CNOT3: variants seen among roughly 807,000 people sequenced by gnomAD.
CNOT3 encodes the protein CCR4-associated factor 3.
A neutral mutation model predicts 89.4 loss-of-function variants in CNOT3; 2 were observed. The observed-to-expected ratio is 0.02, with a 90% CI of 0.01 to 0.07. The LOEUF is 0.07. Among genes scored for constraint, CNOT3 ranks in the 10% least tolerant of loss-of-function variants. The pLI is 1.00. For missense variants in CNOT3, 664 were observed against 1,010.2 expected, an observed-to-expected ratio of 0.66 and a Z score of 4.65; for synonymous variants, 486 against 402.0, an observed-to-expected ratio of 1.21 and a Z score of -2.50.
intron 5 of CNOT3, 123 bp downstream of exon 5, chr19:54,143,872 T>A: frequency 6.8e-7 from 1 of 1,470,282 alleles, no homozygotes; most frequent in Non-Finnish European, 9.3e-7. Context: ...TTTCTGCACC[T>A]AAGGGAAGTG....
Position 54,153,245 on chromosome 19 carries a change from C to T in CNOT3, c.2037+246C>T, listed in dbSNP as rs555923646. On this transcript the variant is annotated intron_variant, in intron 16 of 17. Coordinates refer to ENST00000221232, the MANE Select transcript of CNOT3 (RefSeq NM_014516.4). ...GGTCCACTGAGGCACACCTCAGCCC[C>T]GCTTCCAGTTGCCCACTGGCTCACC... is the stretch of plus-strand genomic sequence containing the variant. 2.1e-4 allele frequency: 160 copies of T among 763,150 alleles called. 1 individual carries two copies. The highest frequency in any genetic ancestry group is 1.9e-3 in the African/African-American group (112 of 59,184). 47.3% of individuals were successfully genotyped at this position (763,150 alleles called of 1,614,324 possible).
intron 9 of CNOT3, among the ~76,000 whole-genome samples, 193 bp from the exon 10 acceptor site, chr19:54,146,408 C>T (rs2074675118): frequency 6.6e-6 from 1 of 152,038 alleles, no homozygotes; most frequent in Non-Finnish European, 1.5e-5. Context: ...GTGCTGGCTC[C>T]CAGAAAACAA....
chr19:54,149,509 C>A, intron 12 of CNOT3, 51 bp from the exon 13 acceptor site: 1 of 1,264,312 alleles, frequency 7.9e-7, no homozygotes. Context: ...TCTGCCCATC[C>A]CACCCTCAGG....
intron 17 of CNOT3, 120 bp downstream of exon 17, chr19:54,153,960 G>T (rs757403277): frequency 1.0e-5 from 13 of 1,284,524 alleles, no homozygotes; most frequent in Non-Finnish European, 1.5e-5. Flanking sequence ...CAGTCCCTCA[G>T]CCTGACCAAG....
intron 10 of CNOT3, among the ~76,000 whole-genome samples, chr19:54,147,506 G>T (rs1434881818): frequency 6.6e-6 from 1 of 152,220 alleles, no homozygotes; most frequent in African/African-American, 2.4e-5. Flanking sequence ...CAGGAGAGAA[G>T]TGGGTAGTCA....
rs935236139 is a variant in CNOT3, at chr19:54,151,603, G to A, written c.1606-623G>A. 3.9e-5 allele frequency among the ~76,000 whole-genome samples: 6 copies of A among 152,208 alleles called. No individual in the cohort carries two copies. In the East Asian group the frequency reaches 1.2e-3, roughly 29 times the overall value. ...GGGCTGGGGTTTGGGACAGCTGCAC[G>A]TGGCTGGAGGAGATGGGAGGAACCA... On this transcript the variant is annotated intron_variant, in intron 13 of 17. Coordinates refer to ENST00000221232, the MANE Select transcript of CNOT3 (RefSeq NM_014516.4).
rs771136760 is a variant in CNOT3, at chr19:54,155,227, AT to A, written c.2164-80del. 3 of 1,563,082 alleles carry A rather than the reference AT, an allele frequency of 1.9e-6. No individual in the cohort carries two copies. The African/African-American group carries it at 4.1e-5, about 21-fold the overall frequency. On this transcript the variant is annotated intron_variant, in intron 17 of 17. Transcript: ENST00000221232. ...GCCTGACACATCCACAGCCCTAAGA[AT>A]TGTCCCCTTTGTCTGTTGGTCCGGC...
Position 54,149,648 on chromosome 19 carries a change from C to T in CNOT3, c.1495C>T (p.Pro499Ser), listed in dbSNP as rs1232022938. 1.9e-6 allele frequency: 3 copies of T among 1,613,858 alleles called. No individual in the cohort carries two copies. Among genetic ancestry groups the T allele is most frequent in the Non-Finnish European group, 2.5e-6 (3 of 1,179,920 alleles). The change falls in exon 13 of 18, where the codon CCA (proline) becomes TCA (serine). Residue 499 changes from proline (P) to serine (S), a missense_variant. By Grantham distance (74) the Pro-to-Ser change is moderately conservative. This residue lies in a region of CNOT3 where 545 missense variants were observed against 566.2 expected (regional missense o/e 0.96). Coordinates refer to ENST00000221232, the MANE Select transcript of CNOT3 (RefSeq NM_014516.4). ...NNSGGPSLLV[P>S]LPVNPPSSPT... The stretch of plus-strand genomic sequence containing the variant: ...CTCAGGGGGACCCAGCCTCCTGGTG[C>T]CACTGCCTGTGAATCCTCCCAGCTC...
Position 54,152,922 on chromosome 19 carries a change from C to A in CNOT3, c.1960C>A (p.Pro654Thr). The A allele has an allele frequency of 1.2e-6, 2 of 1,600,102 alleles. No individual in the cohort carries two copies. Among genetic ancestry groups the A allele is most frequent in the Non-Finnish European group, 1.7e-6 (2 of 1,170,532 alleles). ...PTPPYHHQMP[P>T]PHSDTVEFYQ... ...GCCCCCCTACCACCACCAGATGCCA[C>A]CCCCACACTCGGACACTGTGGAATT... The change falls in exon 16 of 18, where the codon CCC becomes ACC. Residue 654 changes from proline (P) to threonine (T), a missense_variant. By Grantham distance (38) the Pro-to-Thr change is conservative. Coordinates refer to ENST00000221232, the MANE Select transcript of CNOT3 (RefSeq NM_014516.4).
At position 54,148,369 on chromosome 19, in the gene CNOT3, C is replaced by A; in HGVS notation, c.1116C>A (p.Ala372=). 6.4e-7 allele frequency: 1 copy of A among 1,571,600 alleles called. No homozygotes were observed. The highest frequency in any genetic ancestry group is 1.2e-5 in the South Asian group (1 of 84,848). ...SHNSGTPAPY[A]QAVAPPAPSG... The stretch of plus-strand genomic sequence containing the variant: ...ACTCGGGCACCCCTGCTCCCTATGC[C>A]CAGGCTGTGGCCCCACCAGCTCCCA... Residue 372 remains alanine, a synonymous_variant, in exon 11 of 18, where the codon GCC becomes GCA. Transcript: ENST00000221232. The surrounding 1 kb of genome is among the most constrained non-coding windows in gnomAD (Gnocchi z 6.3).
intron 3 of CNOT3, 35 bp from the exon 4 acceptor site, chr19:54,143,407 C>G (rs1433035387): frequency 2.5e-6 from 4 of 1,608,072 alleles, no homozygotes; most frequent in East Asian, 2.2e-5. Context: ...GACATCCCCT[C>G]CCACACTGAC....
chr19:54,146,632 G>T lies in CNOT3; in HGVS notation c.869G>T (p.Arg290Leu), dbSNP rs761311036. Residue 290 changes from arginine (R) to leucine (L), a missense_variant, in exon 10 of 18, where the codon CGT (arginine) becomes CTT (leucine). Arg to Leu is a moderately radical substitution (Grantham distance 102). Coordinates refer to ENST00000221232, the MANE Select transcript of CNOT3 (RefSeq NM_014516.4). ...ENSEDDKKRG[R>L]STDSEVSQSP... ...TCTGAAGATGATAAGAAGAGGGGAC[G>T]TTCCACAGACAGTGAAGTCAGCCAG... 2.5e-6 allele frequency: 4 copies of T among 1,570,852 alleles called. No homozygotes were observed. Among genetic ancestry groups the T allele is most frequent in the Admixed American group, 1.7e-5 (1 of 59,946 alleles).
In CNOT3 at chr19:54,145,675, G is replaced by A; in HGVS notation, c.561G>A (p.Leu187=). 2 of 1,613,692 alleles carry A rather than the reference G, an allele frequency of 1.2e-6. No homozygotes were observed. ...RYHVRMLETI[L]RMLDNDSILV... ...ACGTGCGCATGCTAGAGACCATCCT[G>A]CGCATGCTGGACAATGACTCCATCC... The change falls in exon 8 of 18, where the codon CTG becomes CTA. Residue 187 remains leucine (L), a synonymous_variant. Coordinates refer to ENST00000221232, the MANE Select transcript of CNOT3 (RefSeq NM_014516.4). This position sits in a 1 kb window ranked among gnomAD's most constrained non-coding sequence, Gnocchi z 5.9.
In CNOT3 at chr19:54,152,928, C is replaced by T. The variant is rs2146770362; in HGVS notation, c.1966C>T (p.His656Tyr). 1 of 1,605,354 alleles carries T rather than the reference C, an allele frequency of 6.2e-7. No homozygotes were observed. The highest frequency in any genetic ancestry group is 8.5e-7 in the Non-Finnish European group (1 of 1,174,006). ...PPYHHQMPPP[H>Y]SDTVEFYQRL... is the part of the protein sequence containing the mutation. ...CTACCACCACCAGATGCCACCCCCA[C>T]ACTCGGACACTGTGGAATTCTACCA... is the stretch of plus-strand genomic sequence containing the variant. Residue 656 changes from histidine (H) to tyrosine (Y), a missense_variant, in exon 16 of 18, where the codon CAC (histidine) becomes TAC (tyrosine). His to Tyr is a moderately conservative substitution (Grantham distance 83, BLOSUM62 2). Transcript: ENST00000221232.
At chr19:54,139,966 A>G (rs2074382071) in intron 1 of CNOT3, among the ~76,000 whole-genome samples, 1 of 152,052 alleles carries the variant, frequency 6.6e-6, no homozygotes, top group African/African-American at 2.4e-5. Flanking sequence ...GTTAAGGATC[A>G]CCCTTCAACA....
intron 15 of CNOT3, 97 bp downstream of exon 15, chr19:54,152,723 C>A: frequency 9.1e-7 from 1 of 1,100,150 alleles, no homozygotes; most frequent in Non-Finnish European, 1.4e-6. Context: ...CACCAGGCCC[C>A]TGACTTGGGC....
At position 54,148,839 on chromosome 19, in the gene CNOT3, C is replaced by CGATG; in HGVS notation, c.1406+96_1406+97insGATG. 1 of 1,114,938 alleles carries CGATG rather than the reference C, an allele frequency of 9.0e-7. No homozygotes were observed. The highest frequency in any genetic ancestry group is 1.3e-6 in the Non-Finnish European group (1 of 787,502). The allele number at this position is 1,114,938 out of a possible 1,614,324, so 69.1% of individuals were successfully genotyped here. On this transcript the variant is annotated intron_variant, in intron 12 of 17. Transcript: ENST00000221232. The surrounding 1 kb of genome is among the most constrained non-coding windows in gnomAD (Gnocchi z 6.3). ...CCCGCATCGGTGGGTTCTGAACCCC[C>CGATG]CGCCCTTGCTGCTGGGAATGGCCAA...
rs1163667523 is a variant in CNOT3 at position 54,145,101 on chromosome 19, GCT to G, written c.484-491_484-490del. 2.0e-5 allele frequency among the ~76,000 whole-genome samples: 3 copies of G among 152,118 alleles called. No homozygotes were observed. The highest frequency in any genetic ancestry group is 2.4e-5 in the African/African-American group (1 of 41,396). On this transcript the variant is annotated intron_variant, in intron 7 of 17. Transcript: ENST00000221232. This position sits in a 1 kb window ranked among gnomAD's most constrained non-coding sequence, Gnocchi z 5.9. ...GCAGGAGCGAGGCTTAGGAATCTGG[GCT>G]CTCTCAGGGATAAATGGGTAGGGTT...
chr19:54,142,942 G>C lies in CNOT3; in HGVS notation c.-37G>C, dbSNP rs757702818. 1.2e-6 allele frequency: 2 copies of C among 1,610,552 alleles called. No individual in the cohort carries two copies. The highest frequency in any genetic ancestry group is 1.7e-6 in the Non-Finnish European group (2 of 1,177,102). The stretch of plus-strand genomic sequence containing the variant: ...CTCTCCTAGCAGCGTCCGTCTCCAA[G>C]AGAGTATGAAGAGAGTGCGTCTGTA... On this transcript the variant is annotated 5_prime_UTR_variant, in exon 2 of 18. Coordinates refer to ENST00000221232, the MANE Select transcript of CNOT3 (RefSeq NM_014516.4).
Sources: allele counts gnomAD v4.1 joint callset (sites outside exome capture counted in the v4.1 genomes callset), GRCh38; gene constraint gnomAD v4.1.1; regional missense constraint gnomAD v4.1.1; non-coding constraint Gnocchi (gnomAD v3.1); transcripts MANE v1.5; gene names NCBI Gene and HGNC (gene_info 2026-07-23, HGNC 2026-07-21).